Variants in IL7R observed in about 807,000 individuals in gnomAD.
IL7R encodes the protein interleukin 7 receptor, also known as interleukin-7 receptor subunit alpha.
A neutral mutation model predicts 47.0 loss-of-function variants in IL7R; 38 were observed. The observed-to-expected ratio is 0.81, with a 90% confidence interval of 0.62 to 1.06. The LOEUF is 1.06. Among genes scored for constraint, IL7R ranks in the 50% least tolerant of loss-of-function variants. IL7R has a pLI of 0.00. For synonymous variants in IL7R, 221 were observed against 199.8 expected (o/e 1.11, Z -0.89); for missense variants, 633 against 534.8 (o/e 1.18, Z -1.81).
rs1760127600 is a variant in IL7R, at chr5:35,873,573, CA to C, written c.632del (p.His211ProfsTer33). The C allele has an allele frequency of 6.2e-7, 1 of 1,613,750 alleles. No individual in the cohort carries two copies. Among genetic ancestry groups the C allele is most frequent in the African/African-American group, 1.3e-5 (1 of 74,918 alleles). On this transcript the variant is annotated frameshift_variant, in exon 5 of 8. Coordinates refer to ENST00000303115, the MANE Select transcript of IL7R (RefSeq NM_002185.5). LOFTEE classifies it high-confidence loss of function. ...GATTAAAGTTCGATCCATCCCTGAT[CA>C]CTATTTTAAAGGCTTCTGGAGTGAA... ...YEIKVRSIPD[H>X]YFKGFWSEWS...
At chr5:35,868,949 G>C (rs954930740) in intron 3 of IL7R, among the ~76,000 whole-genome samples, 2 of 152,140 alleles carry the variant, frequency 1.3e-5, no homozygotes, top group Admixed American at 6.5e-5. Flanking sequence ...GAACGGCAAG[G>C]GGGAGAGGTA....
intron 3 of IL7R, among the ~76,000 whole-genome samples, chr5:35,868,883 C>T (rs1003772234): frequency 2.0e-5 from 3 of 152,148 alleles, no homozygotes; most frequent in Non-Finnish European, 4.4e-5. Flanking sequence ...CCCACATGCT[C>T]AATGCACTTG....
At chr5:35,860,061 T>C (rs1489659283) in intron 1 of IL7R, among the ~76,000 whole-genome samples, 1 of 146,646 alleles carries the variant, frequency 6.8e-6, no homozygotes. Context: ...TTTCCAAAAG[T>C]AATAGCAAAA....
At chr5:35,868,650 C>T (rs1221370641) in intron 3 of IL7R, among the ~76,000 whole-genome samples, 1 of 152,082 alleles carries the variant, frequency 6.6e-6, no homozygotes, top group Non-Finnish European at 1.5e-5. Context: ...GATAGGGCAC[C>T]ATATCTAAAG....
rs1022245698 is a variant in IL7R at position 35,875,564 on chromosome 5, C to T, written c.853C>T (p.His285Tyr). 18 of 1,613,352 alleles carry T rather than the reference C, an allele frequency of 1.1e-5. No individual in the cohort carries two copies. Among genetic ancestry groups the T allele is most frequent in the Admixed American group, 3.3e-5 (2 of 59,992 alleles). ...CCCCGATCATAAGAAGACTCTGGAA[C>T]ATCTTTGTAAGAAACCAAGAAAAGT... ...SLPDHKKTLE[H>Y]LCKKPRKNLN... The change falls in exon 7 of 8, where the codon CAT (histidine) becomes TAT (tyrosine). Residue 285 changes from histidine to tyrosine, a missense_variant. Physicochemically the swap from His to Tyr is moderately conservative, Grantham distance 83. Transcript: ENST00000303115.
intron 2 of IL7R, among the ~76,000 whole-genome samples, chr5:35,863,438 T>A (rs909609932): frequency 1.3e-5 from 2 of 152,042 alleles, no homozygotes; most frequent in African/African-American, 4.8e-5. Context: ...CAGGAACCAT[T>A]CTCGAAAGGA....
rs986405200 is a variant in IL7R, at chr5:35,875,509, C to T, written c.801-3C>T. 2.5e-6 allele frequency: 4 copies of T among 1,605,596 alleles called. No homozygotes were observed. The highest frequency in any genetic ancestry group is 2.6e-6 in the Non-Finnish European group (3 of 1,172,302). On this transcript the variant is annotated splice_region_variant and splice_polypyrimidine_tract_variant and intron_variant, in intron 6 of 7. Coordinates refer to ENST00000303115, the MANE Select transcript of IL7R (RefSeq NM_002185.5). ...TTCATCTATCAATGTTCTCTGATTT[C>T]AGGATTAAGCCTATCGTATGGCCCA...
rs2149906192 is a variant in IL7R, at chr5:35,876,377, G to T, written c.1271G>T (p.Gly424Val). 6.2e-7 allele frequency: 1 copy of T among 1,613,562 alleles called. No homozygotes were observed. Among genetic ancestry groups the T allele is most frequent in the Non-Finnish European group, 8.5e-7 (1 of 1,179,828 alleles). ...CCCCCTCCATTTTCTCTCCAATCTG[G>T]AATCCTGACATTGAACCCAGTTGCT... ...TLPPPFSLQS[G>V]ILTLNPVAQG... The change falls in exon 8 of 8, where the codon GGA (glycine) becomes GTA (valine). Residue 424 changes from glycine to valine, a missense_variant. Physicochemically the swap from Gly to Val is moderately radical, Grantham distance 109. Transcript: ENST00000303115.
At position 35,862,897 on chromosome 5, in the gene IL7R, C is replaced by T. The variant is rs546479817; in HGVS notation, c.221+1907C>T. Reference sequence around the variant, plus strand: ...TACCTAAAATTCAGAAATGGGACCCCGCTCCCAGTCTCCCCTTCTATATTT... The same window carrying T: ...TACCTAAAATTCAGAAATGGGACCCTGCTCCCAGTCTCCCCTTCTATATTT... On this transcript the variant is annotated intron_variant, in intron 2 of 7. Transcript: ENST00000303115. 5.3e-5 allele frequency among the ~76,000 whole-genome samples: 8 copies of T among 152,126 alleles called. No individual in the cohort carries two copies. In the East Asian group the frequency reaches 7.7e-4, roughly 15 times the overall value.
chr5:35,870,936 A>C (rs1159512241), intron 3 of IL7R, 120 bp from the exon 4 acceptor site: 3 of 820,002 alleles, frequency 3.7e-6, no homozygotes, highest in Non-Finnish European at 6.3e-6. Context: ...TTTTCTGAAT[A>C]GTTGGCCATT....
intron 6 of IL7R, 62 bp downstream of exon 6, chr5:35,874,604 GC>G: frequency 8.0e-7 from 1 of 1,251,222 alleles, no homozygotes; most frequent in Non-Finnish European, 1.2e-6. Flanking sequence ...CAGAGCTTAA[GC>G]CCCATTTATT....
intron 2 of IL7R, among the ~76,000 whole-genome samples, chr5:35,861,482 G>C (rs1759815524): frequency 6.6e-6 from 1 of 152,150 alleles, no homozygotes; most frequent in African/African-American, 2.4e-5. Context: ...GGAAGGCTGT[G>C]ATGGTTAAAT....
intron 2 of IL7R, among the ~76,000 whole-genome samples, chr5:35,863,421 C>T (rs1269329347): frequency 6.6e-6 from 1 of 152,050 alleles, no homozygotes; most frequent in African/African-American, 2.4e-5. Context: ...TCTTTTTGTG[C>T]AGAGTCCAGG....
intron 2 of IL7R, 121 bp from the exon 3 acceptor site, chr5:35,867,181 TCACC>T: frequency 6.3e-6 from 5 of 796,198 alleles, no homozygotes; most frequent in East Asian, 2.6e-5. Context: ...ATGCCTCCAC[TCACC>T]CACCCACATA....
At chr5:35,875,623 G>A (rs1165371483) in intron 7 of IL7R, 36 bp downstream of exon 7, 1 of 1,445,490 alleles carries the variant, frequency 6.9e-7, no homozygotes, top group East Asian at 2.3e-5. Context: ...TGTTGTGTTG[G>A]CAACATCCCA....
intron 3 of IL7R, among the ~76,000 whole-genome samples, chr5:35,870,261 A>G (rs1289306417): frequency 1.3e-5 from 2 of 152,210 alleles, no homozygotes; most frequent in Non-Finnish European, 2.9e-5. Context: ...CCAACAGCTT[A>G]GCATGTGTGG....
At chr5:35,867,526 G>A (rs777335756) in intron 3 of IL7R, 63 bp downstream of exon 3, 1 of 1,335,680 alleles carries the variant, frequency 7.5e-7, no homozygotes, top group South Asian at 1.2e-5. Flanking sequence ...ACTGTGTCTG[G>A]ACATTCTGTA....
At position 35,857,180 on chromosome 5, in the gene IL7R, A is replaced by G. The variant is rs1016938054; in HGVS notation, c.82+121A>G. Reference sequence around the variant, plus strand: ...TTTGAATGCAGTTTGAGAATTTCCCACATATTCAGTCATTTTTTTTAATGT... The same window carrying G: ...TTTGAATGCAGTTTGAGAATTTCCCGCATATTCAGTCATTTTTTTTAATGT... On this transcript the variant is annotated intron_variant, in intron 1 of 7. Coordinates refer to ENST00000303115, the MANE Select transcript of IL7R (RefSeq NM_002185.5). 8 of 735,602 alleles carry G rather than the reference A, an allele frequency of 1.1e-5. No individual in the cohort carries two copies. In the African/African-American group the frequency reaches 1.2e-4, roughly 11 times the overall value. 45.6% of individuals were successfully genotyped at this position (735,602 alleles called of 1,614,324 possible).
rs377557867 is a variant in IL7R at position 35,867,488 on chromosome 5, G to A, written c.379+25G>A. On this transcript the variant is annotated intron_variant, in intron 3 of 7. Coordinates refer to ENST00000303115, the MANE Select transcript of IL7R (RefSeq NM_002185.5). ...GGTAAGAAGTTGTATATAAAAGTAT[G>A]GTTGTCACTTTTGGGCTACCTGAAA... The A allele has an allele frequency of 1.4e-5, 22 of 1,600,718 alleles. No individual in the cohort carries two copies. In the African/African-American group the frequency reaches 2.3e-4, roughly 17 times the overall value.
Sources: allele counts gnomAD v4.1 joint callset (sites outside exome capture counted in the v4.1 genomes callset), GRCh38; gene constraint gnomAD v4.1.1; transcripts MANE v1.5; gene names NCBI Gene and HGNC (gene_info 2026-07-23, HGNC 2026-07-21).